Variants in SLC25A21 observed in about 807,000 individuals in gnomAD.
SLC25A21 encodes mitochondrial 2-oxodicarboxylate carrier.
In SLC25A21, 47 loss-of-function variants were observed where a neutral mutation model predicts 43.8. That is an observed-to-expected ratio of 1.07 (90% CI 0.85 to 1.37). SLC25A21 has a LOEUF of 1.37. SLC25A21 is among the 40% of genes most tolerant of loss of function. The probability of loss-of-function intolerance (pLI) is 0.00; values close to 1 mark genes in which losing one functional copy is unlikely to be tolerated. For synonymous variants in SLC25A21, 131 were observed against 121.3 expected (o/e 1.08, Z -0.52); for missense variants, 352 against 350.2 (o/e 1.00, Z -0.04).
At chr14:37,131,631 C>G (rs1451536641) in intron 1 of SLC25A21, among the ~76,000 whole-genome samples, 1 of 152,070 alleles carries the variant, frequency 6.6e-6, no homozygotes, top group Non-Finnish European at 1.5e-5. Context: ...GGACTAAACA[C>G]CTATATTATT....
chr14:36,718,420 C>T (rs1169759990), intron 6 of SLC25A21, among the ~76,000 whole-genome samples: 1 of 152,186 alleles, frequency 6.6e-6, no homozygotes, highest in African/African-American at 2.4e-5. Context: ...TAACCCAATA[C>T]ATCATCATGA....
Position 37,145,442 on chromosome 14 carries a change from TACACACACAC to T in SLC25A21, c.70+26829_70+26838del, listed in dbSNP as rs779746223. ...TGAAGTGAAATCTAAAATACTAAAA[TACACACACAC>T]ACACACACACACACACACACACACA... On this transcript the variant is annotated intron_variant, in intron 1 of 9. Coordinates refer to ENST00000331299, the MANE Select transcript of SLC25A21 (RefSeq NM_030631.4). Among the ~76,000 whole-genome samples, 6 of 145,244 alleles carry T rather than the reference TACACACACAC, an allele frequency of 4.1e-5. No homozygotes were observed. The South Asian group carries it at 6.8e-4, about 17-fold the overall frequency.
chr14:36,905,175 C>G (rs1036879729), intron 1 of SLC25A21, among the ~76,000 whole-genome samples: 1 of 152,120 alleles, frequency 6.6e-6, no homozygotes, highest in African/African-American at 2.4e-5. Flanking sequence ...CAGTCATTAC[C>G]AAACTACAAT....
intron 1 of SLC25A21, among the ~76,000 whole-genome samples, chr14:37,026,616 A>G (rs905337754): frequency 6.6e-6 from 1 of 152,204 alleles, no homozygotes; most frequent in Admixed American, 6.6e-5. Flanking sequence ...CCCATACTCA[A>G]GTAAGTTTGG....
In SLC25A21 at chr14:36,678,645, TA is replaced by T; in HGVS notation, c.*2012del. ...TTATCAAATGTTTTTAGGTGGCTGT[TA>T]GGGGGCTTTAAAAAATATTACTTGC... On this transcript the variant is annotated 3_prime_UTR_variant, in exon 10 of 10. Transcript: ENST00000331299. 1 of 1,266,862 alleles carries T rather than the reference TA, an allele frequency of 7.9e-7. No individual in the cohort carries two copies. The highest frequency in any genetic ancestry group is 9.9e-7 in the Non-Finnish European group (1 of 1,006,212). 78.5% of individuals were successfully genotyped at this position (1,266,862 alleles called of 1,614,324 possible). A position where few individuals can be genotyped will look rare whatever the true frequency, so the allele number is the denominator to read the frequency against.
chr14:36,858,249 A>T (rs1889960817), intron 2 of SLC25A21, among the ~76,000 whole-genome samples: 2 of 151,908 alleles, frequency 1.3e-5, no homozygotes, highest in Non-Finnish European at 2.9e-5. Context: ...GACCACCCCT[A>T]CCCCCACCCT....
At chr14:36,914,272 A>T (rs1315354557) in intron 1 of SLC25A21, among the ~76,000 whole-genome samples, 1 of 152,202 alleles carries the variant, frequency 6.6e-6, no homozygotes, top group African/African-American at 2.4e-5. Context: ...GGAGACAGGG[A>T]AGTCTCCATC....
chr14:37,001,856 T>C (rs1269778672), intron 1 of SLC25A21, among the ~76,000 whole-genome samples: 1 of 152,210 alleles, frequency 6.6e-6, no homozygotes, highest in African/African-American at 2.4e-5. Flanking sequence ...AAAAAGTTTT[T>C]GTCAATGTTA....
intron 1 of SLC25A21, among the ~76,000 whole-genome samples, chr14:36,969,662 A>T (rs951938737): frequency 6.6e-6 from 1 of 151,748 alleles, no homozygotes; most frequent in Non-Finnish European, 1.5e-5. Context: ...CTAATTAAAA[A>T]AAAAAAATTT....
intron 3 of SLC25A21, among the ~76,000 whole-genome samples, chr14:36,751,785 G>A (rs1885718216): frequency 6.6e-6 from 1 of 152,188 alleles, no homozygotes; most frequent in African/African-American, 2.4e-5. Flanking sequence ...CAGCCACAAT[G>A]TTTTATCAAT....
chr14:36,750,133 T>C (rs1413149147), intron 3 of SLC25A21, among the ~76,000 whole-genome samples: 1 of 152,202 alleles, frequency 6.6e-6, no homozygotes, highest in Non-Finnish European at 1.5e-5. Context: ...AATGTTGGTG[T>C]TGTGAACAGA....
At chr14:36,711,870 AT>A (rs1417501365) in intron 6 of SLC25A21, among the ~76,000 whole-genome samples, 58 of 152,374 alleles carry the variant, frequency 3.8e-4, no homozygotes, top group African/African-American at 1.3e-3. Context: ...AAAGGAATTT[AT>A]ATTTGGCTCC....
At chr14:37,062,957 T>C (rs1369214319) in intron 1 of SLC25A21, among the ~76,000 whole-genome samples, 1 of 152,030 alleles carries the variant, frequency 6.6e-6, no homozygotes, top group Non-Finnish European at 1.5e-5. Flanking sequence ...GAGTTTTAAT[T>C]GACTCACCAT....
At chr14:37,017,099 A>G (rs1260330599) in intron 1 of SLC25A21, among the ~76,000 whole-genome samples, 2 of 152,052 alleles carry the variant, frequency 1.3e-5, no homozygotes, top group African/African-American at 2.4e-5. Context: ...ACTCACTTCA[A>G]TAACTTTTCC....
At chr14:36,784,991 T>C (rs138091601) in intron 3 of SLC25A21, among the ~76,000 whole-genome samples, 8 of 152,350 alleles carry the variant, frequency 5.3e-5, no homozygotes, top group African/African-American at 1.2e-4. Flanking sequence ...AACCTATCCT[T>C]ATTGTCCCTG....
chr14:36,843,100 G>T (rs1187218417), intron 2 of SLC25A21, among the ~76,000 whole-genome samples: 1 of 152,176 alleles, frequency 6.6e-6, no homozygotes, highest in Non-Finnish European at 1.5e-5. Flanking sequence ...AGCTCAGGTG[G>T]TAATGCTCAT....
chr14:36,786,734 TA>T (rs1887264567), intron 3 of SLC25A21, among the ~76,000 whole-genome samples: 2 of 152,092 alleles, frequency 1.3e-5, no homozygotes, highest in African/African-American at 4.8e-5. Flanking sequence ...AAATGTCTTT[TA>T]AGGACCATCT....
chr14:36,932,510 T>C (rs1017510279), intron 1 of SLC25A21, among the ~76,000 whole-genome samples: 3 of 152,152 alleles, frequency 2.0e-5, no homozygotes, highest in East Asian at 1.9e-4. Flanking sequence ...CAAATATTTA[T>C]TGAGTGCCTA....
intron 1 of SLC25A21, among the ~76,000 whole-genome samples, chr14:37,120,793 G>C (rs1004585932): frequency 2.0e-5 from 3 of 152,106 alleles, no homozygotes; most frequent in Non-Finnish European, 4.4e-5. Flanking sequence ...TGAGCAATGA[G>C]AGAAAAGTAT....
Sources: allele counts gnomAD v4.1 joint callset (sites outside exome capture counted in the v4.1 genomes callset), GRCh38; gene constraint gnomAD v4.1.1; transcripts MANE v1.5; gene names NCBI Gene and HGNC (gene_info 2026-07-23, HGNC 2026-07-21).